The following SOX5 variants were observed in gnomAD, a reference collection of about 807,000 sequenced individuals.
The protein encoded by SOX5 is SRY-box transcription factor 5, also known as transcription factor SOX-5.
In SOX5, 9 loss-of-function variants were observed where a neutral mutation model predicts 92.0. The observed-to-expected ratio is 0.10, with a 90% CI of 0.06 to 0.17. SOX5 has a LOEUF of 0.17. Among genes scored for constraint, SOX5 ranks in the 10% least tolerant of loss-of-function variants. The pLI, the probability that SOX5 is intolerant of heterozygous loss-of-function variation, is 1.00. For synonymous variants in SOX5, 344 were observed against 336.3 expected, an observed-to-expected ratio of 1.02 and a Z score of -0.25; for missense variants, 642 against 944.5, an observed-to-expected ratio of 0.68 and a Z score of 4.20.
At position 24,182,776 on chromosome 12, in the gene SOX5, C is replaced by T. The variant is rs148876430; in HGVS notation, c.-2+30567G>A. On this transcript the variant is annotated intron_variant, in intron 4 of 4. Transcript: ENST00000446891. ...TCACCCAAGCTGGAGTGCAGTGGCA[C>T]GACCTCAGCTCACTGCAACTTCCGC... Among the ~76,000 whole-genome samples, 14 of 152,250 alleles carry T rather than the reference C, an allele frequency of 9.2e-5. No homozygotes were observed. The East Asian group carries it at 1.2e-3, about 13-fold the overall frequency.
intron 11 of SOX5, among the ~76,000 whole-genome samples, chr12:23,555,700 C>T (rs1342606945): frequency 1.3e-5 from 2 of 152,120 alleles, no homozygotes; most frequent in African/African-American, 4.8e-5. Flanking sequence ...TACACAAACT[C>T]CATGAAGCAA....
chr12:24,189,622 G>A (rs1956333077), intron 4 of SOX5, among the ~76,000 whole-genome samples: 1 of 151,978 alleles, frequency 6.6e-6, no homozygotes, highest in South Asian at 2.1e-4. Context: ...TCTGGGGGAG[G>A]CAATATAGCA....
intron 1 of SOX5, among the ~76,000 whole-genome samples, chr12:24,470,250 C>G (rs886218702): frequency 1.3e-5 from 2 of 152,242 alleles, no homozygotes; most frequent in East Asian, 1.9e-4. Flanking sequence ...TATATCATCT[C>G]GAAGCATCAT....
chr12:23,892,020 T>C (rs2097134296), intron 2 of SOX5, among the ~76,000 whole-genome samples: 1 of 152,166 alleles, frequency 6.6e-6, no homozygotes, highest in African/African-American at 2.4e-5. Flanking sequence ...GTAAGTTGAA[T>C]ATCTAGTATA....
At chr12:24,046,180 G>A (rs1041278374) in intron 4 of SOX5, among the ~76,000 whole-genome samples, 1 of 152,206 alleles carries the variant, frequency 6.6e-6, no homozygotes, top group Non-Finnish European at 1.5e-5. Context: ...AAGCCTGAGG[G>A]TAATAGACAC....
At chr12:23,858,667 C>T (rs2096721293) in intron 2 of SOX5, among the ~76,000 whole-genome samples, 1 of 152,062 alleles carries the variant, frequency 6.6e-6, no homozygotes, top group African/African-American at 2.4e-5. Context: ...GCCAGAACTA[C>T]CATTTGACTC....
chr12:23,533,715 A>G lies in SOX5; in HGVS notation c.*504T>C, dbSNP rs1028075130. 6.6e-6 allele frequency: 1 copy of G among 152,536 alleles called. No individual in the cohort carries two copies. The highest frequency in any genetic ancestry group is 1.9e-4 in the East Asian group (1 of 5,188). The allele number at this position is 152,536 out of a possible 1,614,324, so 9.4% of individuals were successfully genotyped here. On this transcript the variant is annotated 3_prime_UTR_variant, in exon 15 of 15. Transcript: ENST00000451604. The stretch of plus-strand genomic sequence containing the variant: ...TTCTTTTTTTTCTGTCAGGTGCATT[A>G]CAAAGAAAAAAAATGAAAGGAAAGA...
chr12:24,539,614 G>C (rs549830662), intron 1 of SOX5, among the ~76,000 whole-genome samples: 2 of 151,988 alleles, frequency 1.3e-5, no homozygotes, highest in Non-Finnish European at 1.5e-5. Flanking sequence ...ACTGACCACA[G>C]TAAAATTATC....
chr12:24,562,533 G>C (rs1954477372), upstream of SOX5: 1 of 153,744 alleles, frequency 6.5e-6, no homozygotes, highest in Non-Finnish European at 1.4e-5. Context: ...CCCGTCTCTC[G>C]CTCGCCCGCT....
At chr12:23,877,186 C>G (rs909432594) in intron 2 of SOX5, among the ~76,000 whole-genome samples, 1 of 152,048 alleles carries the variant, frequency 6.6e-6, no homozygotes, top group Admixed American at 6.5e-5. Flanking sequence ...ATTTTTGCAT[C>G]TCTATTCAAA....
At chr12:24,133,383 A>G (rs10743490) in intron 4 of SOX5, among the ~76,000 whole-genome samples, 121,012 of 152,186 alleles carry the variant, frequency 0.8, 48,321 homozygotes, top group East Asian at 0.88. Context: ...AACATCCTCT[A>G]CATTTAAGAA....
chr12:24,417,793 G>T (rs1965271935), intron 1 of SOX5, among the ~76,000 whole-genome samples: 1 of 152,162 alleles, frequency 6.6e-6, no homozygotes, highest in South Asian at 2.1e-4. Context: ...TGGTGGTGGT[G>T]CTAGAGCCAG....
chr12:24,108,676 A>G (rs749230044), intron 4 of SOX5, among the ~76,000 whole-genome samples: 8 of 152,182 alleles, frequency 5.3e-5, no homozygotes, highest in Non-Finnish European at 1.2e-4. Flanking sequence ...AATATCAGAA[A>G]AATTCTCAAA....
intron 2 of SOX5, among the ~76,000 whole-genome samples, chr12:24,315,546 C>T (rs1411504549): frequency 6.6e-6 from 1 of 152,030 alleles, no homozygotes; most frequent in Middle Eastern, 3.2e-3. Context: ...GTAAAGACAT[C>T]TCTTCTTCAA....
chr12:24,054,134 T>C (rs1957869822), intron 4 of SOX5, among the ~76,000 whole-genome samples: 1 of 152,214 alleles, frequency 6.6e-6, no homozygotes, highest in Non-Finnish European at 1.5e-5. Context: ...GCTAGGGAAT[T>C]TGTTCTTCTA....
intron 1 of SOX5, among the ~76,000 whole-genome samples, chr12:24,463,010 G>C (rs1943816804): frequency 6.6e-6 from 1 of 152,068 alleles, no homozygotes; most frequent in African/African-American, 2.4e-5. Context: ...TTGAACCCAG[G>C]AGTTTGAGAC....
At chr12:23,810,662 T>C (rs2095861050) in intron 3 of SOX5, among the ~76,000 whole-genome samples, 1 of 152,164 alleles carries the variant, frequency 6.6e-6, no homozygotes, top group Admixed American at 6.6e-5. Flanking sequence ...GTCACCTTTT[T>C]GATGGAGGTG....
At chr12:23,970,130 A>G (rs1948058667) in intron 4 of SOX5, among the ~76,000 whole-genome samples, 1 of 152,140 alleles carries the variant, frequency 6.6e-6, no homozygotes, top group African/African-American at 2.4e-5. Flanking sequence ...ACTCTGTTAC[A>G]TTATTCAGTA....
chr12:24,140,937 C>G (rs947673497), intron 4 of SOX5, among the ~76,000 whole-genome samples: 4 of 152,030 alleles, frequency 2.6e-5, no homozygotes, highest in Non-Finnish European at 5.9e-5. Context: ...TAGCACATAG[C>G]TATATTTCTA....
Sources: gnomAD v4.1 joint callset for allele counts (sites outside exome capture counted in the v4.1 genomes callset) on GRCh38, gnomAD v4.1.1 for gene constraint, MANE v1.5 for transcripts, NCBI Gene and HGNC (gene_info 2026-07-23, HGNC 2026-07-21) for gene names.